Variants in FRMD4A observed in about 807,000 individuals in gnomAD.
FRMD4A encodes FERM domain containing 4A, also known as FERM domain-containing protein 4A.
Under a neutral mutation model 129.1 loss-of-function variants are expected in FRMD4A, and 29 were observed. That is an observed-to-expected ratio of 0.22 (90% CI 0.17 to 0.31). FRMD4A has a LOEUF of 0.31. Ranked by LOEUF, FRMD4A falls within the 10% of genes least tolerant of loss-of-function variation. FRMD4A has a pLI of 1.00. For synonymous variants in FRMD4A, 634 were observed against 571.6 expected (o/e 1.11, Z -1.56); for missense variants, 1,272 against 1,375.8 (o/e 0.92, Z 1.19).
At chr10:14,315,849 T>C (rs1846719802) in intron 2 of FRMD4A, among the ~76,000 whole-genome samples, 2 of 152,246 alleles carry the variant, frequency 1.3e-5, no homozygotes, top group South Asian at 2.1e-4. Flanking sequence ...CCCTTACTCA[T>C]GTGACAGATG....
At chr10:13,883,689 A>T (rs994297651) in intron 2 of FRMD4A, among the ~76,000 whole-genome samples, 2 of 152,244 alleles carry the variant, frequency 1.3e-5, no homozygotes, top group South Asian at 2.1e-4. Context: ...GACAAAAGCC[A>T]TATTTTCCAC....
At chr10:13,819,570 T>C (rs1467750051) in intron 3 of FRMD4A, among the ~76,000 whole-genome samples, 1 of 152,158 alleles carries the variant, frequency 6.6e-6, no homozygotes, top group African/African-American at 2.4e-5. Flanking sequence ...GGTTGAATGG[T>C]GGTCCCCAAA....
At chr10:14,077,987 G>A (rs1018122854) in intron 2 of FRMD4A, among the ~76,000 whole-genome samples, 1 of 152,120 alleles carries the variant, frequency 6.6e-6, no homozygotes, top group African/African-American at 2.4e-5. Flanking sequence ...GTTTTATAAG[G>A]TAAACTCAAT....
At chr10:14,290,741 A>G (rs931519845) in intron 2 of FRMD4A, among the ~76,000 whole-genome samples, 2 of 152,092 alleles carry the variant, frequency 1.3e-5, no homozygotes, top group African/African-American at 4.8e-5. Flanking sequence ...TGGGATGACT[A>G]CAAACTAAAA....
At chr10:14,224,651 A>G (rs1481386844) in intron 2 of FRMD4A, among the ~76,000 whole-genome samples, 1 of 152,216 alleles carries the variant, frequency 6.6e-6, no homozygotes, top group African/African-American at 2.4e-5. Context: ...TCAACTGTTC[A>G]GGGCCCCACC....
chr10:13,811,914 C>T (rs1484535899), intron 3 of FRMD4A, among the ~76,000 whole-genome samples: 15 of 138,712 alleles, frequency 1.1e-4, no homozygotes, highest in African/African-American at 1.9e-4. Context: ...GATGGAGTCT[C>T]GCTCTGTCAC....
At chr10:13,922,279 T>C (rs2178283) in intron 2 of FRMD4A, among the ~76,000 whole-genome samples, 124,108 of 151,474 alleles carry the variant, frequency 0.82, 50,968 homozygotes, top group Middle Eastern at 0.92. Context: ...ATCCCTTACA[T>C]TGGTGATAAT....
At chr10:14,210,943 G>A (rs999594563) in intron 2 of FRMD4A, among the ~76,000 whole-genome samples, 1 of 152,062 alleles carries the variant, frequency 6.6e-6, no homozygotes, top group African/African-American at 2.4e-5. Context: ...TGACCAGGCT[G>A]GTCTCGAAAT....
chr10:14,081,252 C>T (rs1214661908), intron 2 of FRMD4A, among the ~76,000 whole-genome samples: 1 of 152,104 alleles, frequency 6.6e-6, no homozygotes, highest in Non-Finnish European at 1.5e-5. Flanking sequence ...CAAAAGGACC[C>T]ATAACAACAC....
intron 9 of FRMD4A, among the ~76,000 whole-genome samples, chr10:13,742,843 G>T (rs1188115261): frequency 2.6e-5 from 4 of 151,884 alleles, no homozygotes; most frequent in Non-Finnish European, 5.9e-5. Flanking sequence ...ATCAGCCCAG[G>T]ATCTACCTAA....
intron 2 of FRMD4A, among the ~76,000 whole-genome samples, chr10:13,989,764 A>C (rs930238052): frequency 6.6e-6 from 1 of 152,240 alleles, no homozygotes; most frequent in African/African-American, 2.4e-5. Flanking sequence ...GAGAGATGGG[A>C]GTGGCCCTAT....
chr10:13,837,535 G>A (rs993958508), intron 3 of FRMD4A, among the ~76,000 whole-genome samples: 24 of 152,200 alleles, frequency 1.6e-4, no homozygotes, highest in Admixed American at 6.5e-5. Context: ...AAAAGATCAC[G>A]GGGTCACATT....
At chr10:13,945,693 C>T (rs983935066) in intron 2 of FRMD4A, among the ~76,000 whole-genome samples, 2 of 152,184 alleles carry the variant, frequency 1.3e-5, no homozygotes. Flanking sequence ...GGAGAATTTA[C>T]ATGCTCCATG....
intron 6 of FRMD4A, among the ~76,000 whole-genome samples, chr10:13,765,325 C>G (rs1161403849): frequency 6.6e-6 from 1 of 152,020 alleles, no homozygotes; most frequent in East Asian, 1.9e-4. Context: ...CCATGTTGGC[C>G]AGGCTGGTCT....
chr10:14,269,750 A>G (rs1242801704), intron 2 of FRMD4A, among the ~76,000 whole-genome samples: 1 of 152,224 alleles, frequency 6.6e-6, no homozygotes, highest in Non-Finnish European at 1.5e-5. Context: ...TTGGGTGTCA[A>G]TGTGACTGAA....
chr10:13,762,877 G>T (rs534372302), intron 6 of FRMD4A, among the ~76,000 whole-genome samples, 197 bp from the exon 7 acceptor site: 1 of 152,148 alleles, frequency 6.6e-6, no homozygotes, highest in East Asian at 1.9e-4. Context: ...GTCTGTAGAC[G>T]CAGCTGTTTT....
chr10:13,906,984 C>A (rs74699194), intron 2 of FRMD4A, among the ~76,000 whole-genome samples: 5 of 152,158 alleles, frequency 3.3e-5, no homozygotes, highest in African/African-American at 1.2e-4. Flanking sequence ...GTGTCTCATC[C>A]TCAACTGTGT....
chr10:13,700,940 G>T (rs902693299), intron 14 of FRMD4A, among the ~76,000 whole-genome samples: 3 of 146,768 alleles, frequency 2.0e-5, no homozygotes, highest in African/African-American at 5.0e-5. Context: ...CAGTTAGGTG[G>T]TGTCTATTCG....
intron 2 of FRMD4A, among the ~76,000 whole-genome samples, chr10:13,872,216 C>G (rs991854694): frequency 6.6e-6 from 1 of 152,238 alleles, no homozygotes; most frequent in African/African-American, 2.4e-5. Flanking sequence ...CCCCTCATGC[C>G]AGGTCTCCTG....
Sources: gnomAD v4.1 joint callset for allele counts (sites outside exome capture counted in the v4.1 genomes callset) on GRCh38, gnomAD v4.1.1 for gene constraint, MANE v1.5 for transcripts, NCBI Gene and HGNC (gene_info 2026-07-23, HGNC 2026-07-21) for gene names.